The following PDE6B variants were observed in gnomAD, a reference collection of about 807,000 sequenced individuals.
PDE6B encodes the protein rod cGMP-specific 3',5'-cyclic phosphodiesterase subunit beta.
In PDE6B, 106 loss-of-function variants were observed where a neutral mutation model predicts 109.0. That is an observed-to-expected ratio of 0.97 (90% CI 0.83 to 1.14). The LOEUF (loss-of-function observed/expected upper bound fraction) is 1.14, where lower values mean the gene tolerates loss of function less well. PDE6B is among the 50% of genes most tolerant of loss of function. PDE6B has a pLI of 0.00. For missense variants in PDE6B, 1,193 were observed against 1,155.6 expected (o/e 1.03, Z -0.47); for synonymous variants, 490 against 471.3 (o/e 1.04, Z -0.51).
At position 626,901 on chromosome 4, in the gene PDE6B, T is replaced by A. The variant is rs930864968; in HGVS notation, c.468+807T>A. On this transcript the variant is annotated intron_variant, in intron 1 of 21. Transcript: ENST00000496514. This position sits in a 1 kb window ranked among gnomAD's most constrained non-coding sequence, Gnocchi z 4.6. ...GAGACCTGGAAAGGCCCTGAGGAGC[T>A]GCCCGGCAAGGGGGCTCTGAGGAAG... Among the ~76,000 whole-genome samples the A allele has an allele frequency of 1.3e-5, 2 of 152,144 alleles. No homozygotes were observed. The highest frequency in any genetic ancestry group is 1.3e-4 in the Admixed American group (2 of 15,280).
Position 663,922 on chromosome 4 carries a change from AC to A in PDE6B, c.2021+57del, listed in dbSNP as rs773852270. On this transcript the variant is annotated intron_variant, in intron 16 of 21. Coordinates refer to ENST00000496514, the MANE Select transcript of PDE6B (RefSeq NM_000283.4). The surrounding 1 kb of genome is among the most constrained non-coding windows in gnomAD (Gnocchi z 4.0). The stretch of plus-strand genomic sequence containing the variant: ...TCGCGGGGCGGGCGGGTAGCCTGGG[AC>A]CCCCGGCAGACACGGGGGCGCAGCG... 1 of 1,382,922 alleles carries A rather than the reference AC, an allele frequency of 7.2e-7. No homozygotes were observed. The highest frequency in any genetic ancestry group is 1.0e-6 in the Non-Finnish European group (1 of 993,636). 85.7% of individuals were successfully genotyped at this position (1,382,922 alleles called of 1,614,324 possible).
chr4:660,373 G>A (rs1414580869), intron 11 of PDE6B, 94 bp from the exon 12 acceptor site: 1 of 1,297,968 alleles, frequency 7.7e-7, no homozygotes, highest in Non-Finnish European at 1.1e-6. Context: ...TGAGGTGTCT[G>A]AGGCTTGGCA....
rs1226622625 is a variant in PDE6B at position 662,211 on chromosome 4, C to T, written c.1692C>T (p.Asn564=). The change falls in exon 13 of 22, where the codon AAC becomes AAT. Residue 564 remains asparagine, a synonymous_variant. Coordinates refer to ENST00000496514, the MANE Select transcript of PDE6B (RefSeq NM_000283.4). This position sits in a 1 kb window ranked among gnomAD's most constrained non-coding sequence, Gnocchi z 4.3. ...ITYHNWRHGF[N]VAQTMFTLLM... is the part of the protein sequence containing the mutation. The stretch of plus-strand genomic sequence containing the variant: ...ACCACAACTGGCGCCACGGCTTCAA[C>T]GTGGCCCAGACGATGTTCACGCTGC... 4 of 1,573,896 alleles carry T rather than the reference C, an allele frequency of 2.5e-6. No individual in the cohort carries two copies. The highest frequency in any genetic ancestry group is 1.3e-5 in the African/African-American group (1 of 74,194).
chr4:656,652 C>T (rs374558687), intron 8 of PDE6B, among the ~76,000 whole-genome samples: 4 of 152,218 alleles, frequency 2.6e-5, no homozygotes, highest in East Asian at 1.9e-4. Flanking sequence ...GGTGGGAAAA[C>T]GGCCTCTACC....
Position 626,172 on chromosome 4 carries a change from G to T in PDE6B, c.468+78G>T. The T allele has an allele frequency of 2.2e-6, 2 of 892,396 alleles. No individual in the cohort carries two copies. The highest frequency in any genetic ancestry group is 2.0e-5 in the Admixed American group (1 of 49,936). 55.3% of individuals were successfully genotyped at this position (892,396 alleles called of 1,614,324 possible). A position where few individuals can be genotyped will look rare whatever the true frequency, so the allele number is the denominator to read the frequency against. On this transcript the variant is annotated intron_variant, in intron 1 of 21. Coordinates refer to ENST00000496514, the MANE Select transcript of PDE6B (RefSeq NM_000283.4). The surrounding 1 kb of genome is among the most constrained non-coding windows in gnomAD (Gnocchi z 4.6). ...TCCCAGGTGTCTAAGGGTCAGCTCG[G>T]ATCCTCAGGCCTCCAGGGAGGCCTC...
rs1370109594 is a variant in PDE6B, at chr4:666,595, T to C, written c.2333T>C (p.Val778Ala). 1 of 1,611,892 alleles carries C rather than the reference T, an allele frequency of 6.2e-7. No homozygotes were observed. Among genetic ancestry groups the C allele is most frequent in the East Asian group, 2.2e-5 (1 of 44,866 alleles). The change falls in exon 20 of 22, where the codon GTG becomes GCG. Residue 778 changes from valine to alanine, a missense_variant. By Grantham distance (64) the Val-to-Ala change is moderately conservative. Coordinates refer to ENST00000496514, the MANE Select transcript of PDE6B (RefSeq NM_000283.4). The surrounding 1 kb of genome is among the most constrained non-coding windows in gnomAD (Gnocchi z 5.6). ...PKLQVGFIDF[V>A]CTFVYKEFSR... ...CTGCAAGTGGGCTTCATCGACTTCG[T>C]GTGCACATTCGTGTACAAGGCGAGT...
At chr4:669,955 G>C in intron 21 of PDE6B, 91 bp from the exon 22 acceptor site, 1 of 1,028,472 alleles carries the variant, frequency 9.7e-7, no homozygotes, top group Non-Finnish European at 1.5e-6. Context: ...CCTCCTGCAG[G>C]GGTTGGTAGA....
At chr4:659,874 G>A (rs1020062698) in intron 11 of PDE6B, among the ~76,000 whole-genome samples, 2 of 152,214 alleles carry the variant, frequency 1.3e-5, no homozygotes, top group African/African-American at 4.8e-5. Context: ...ATCACCCTGT[G>A]TCTGCCTATG....
intron 3 of PDE6B, among the ~76,000 whole-genome samples, chr4:642,623 A>G (rs1407509131): frequency 1.3e-5 from 2 of 151,578 alleles, no homozygotes; most frequent in East Asian, 3.9e-4. Flanking sequence ...GCGAAACACC[A>G]TCTCTACAAA....
intron 2 of PDE6B, among the ~76,000 whole-genome samples, chr4:635,088 C>T (rs1474800473): frequency 1.6e-5 from 2 of 125,784 alleles, no homozygotes; most frequent in South Asian, 3.0e-4. Context: ...TTCTCTGCTG[C>T]GTGTCTGCCT....
chr4:664,132 G>A lies in PDE6B; in HGVS notation c.2040G>A (p.Gln680=). Residue 680 remains glutamine, a synonymous_variant, in exon 17 of 22, where the codon CAG becomes CAA. Transcript: ENST00000496514. The part of the protein sequence containing the change: ...ALYFKKRAMF[Q]KIVDESKNYQ... Reference sequence around the variant, plus strand: ...GGTTCAGGAAGAGAGCGATGTTTCAGAAGATCGTGGATGAGTCCAAGAACT... The same window carrying A: ...GGTTCAGGAAGAGAGCGATGTTTCAAAAGATCGTGGATGAGTCCAAGAACT... 1 of 1,610,042 alleles carries A rather than the reference G, an allele frequency of 6.2e-7. No homozygotes were observed.
At chr4:640,518 G>A (rs963909812) in intron 3 of PDE6B, among the ~76,000 whole-genome samples, 3 of 152,112 alleles carry the variant, frequency 2.0e-5, no homozygotes, top group African/African-American at 4.8e-5. Context: ...CAGCCTGGAC[G>A]ACAGAGTGAG....
intron 3 of PDE6B, among the ~76,000 whole-genome samples, chr4:641,749 C>A (rs371018168): frequency 6.6e-6 from 1 of 152,188 alleles, no homozygotes; most frequent in African/African-American, 2.4e-5. Context: ...CGGGTTCAAG[C>A]GACTCTCCTG....
intron 21 of PDE6B, 94 bp from the exon 22 acceptor site, chr4:669,952 C>A: frequency 9.9e-7 from 1 of 1,010,936 alleles, no homozygotes; most frequent in Non-Finnish European, 1.6e-6. Context: ...CTTCCTCCTG[C>A]AGGGGTTGGT....
chr4:657,396 TACG>T lies in PDE6B; in HGVS notation c.1306_1308del (p.Asp436del). 1 of 1,613,166 alleles carries T rather than the reference TACG, an allele frequency of 6.2e-7. No homozygotes were observed. Among genetic ancestry groups the T allele is most frequent in the East Asian group, 2.2e-5 (1 of 44,882 alleles). ...CTGGTCAGTGATGAACACCGACACC[TACG>T]ACAAGATGAACAAGCTGGAGAACCG... On this transcript the variant is annotated inframe_deletion, in exon 10 of 22. Transcript: ENST00000496514.
At chr4:629,578 G>C (rs2109122086) in intron 1 of PDE6B, among the ~76,000 whole-genome samples, 1 of 152,356 alleles carries the variant, frequency 6.6e-6, no homozygotes, top group Middle Eastern at 3.4e-3. Context: ...GACCCTGGTG[G>C]GTCCCCTGCC....
intron 9 of PDE6B, 56 bp downstream of exon 9, chr4:657,079 T>A: frequency 6.4e-7 from 1 of 1,555,866 alleles, no homozygotes; most frequent in Non-Finnish European, 8.9e-7. Context: ...GGGTGGGGCC[T>A]GTGCGGTGTG....
chr4:654,258 T>C, intron 5 of PDE6B, 104 bp downstream of exon 5: 1 of 1,068,568 alleles, frequency 9.4e-7, no homozygotes, highest in Non-Finnish European at 1.4e-6. Context: ...TTTAGGGAGG[T>C]GGGAACTGGC....
chr4:648,000 G>A (rs558619211), intron 3 of PDE6B, among the ~76,000 whole-genome samples: 107 of 151,970 alleles, frequency 7.0e-4, no homozygotes, highest in South Asian at 2.7e-3. Context: ...GCTTGAACCC[G>A]GGAGGCAGAG....
Sources: allele counts gnomAD v4.1 joint callset (sites outside exome capture counted in the v4.1 genomes callset), GRCh38; gene constraint gnomAD v4.1.1; non-coding constraint Gnocchi (gnomAD v3.1); transcripts MANE v1.5; gene names NCBI Gene and HGNC (gene_info 2026-07-23, HGNC 2026-07-21).